The following SERPINB7 variants were observed in gnomAD, a reference collection of about 807,000 sequenced individuals.
SERPINB7 encodes serpin B7.
A neutral mutation model predicts 37.4 loss-of-function variants in SERPINB7; 31 were observed. That is an observed-to-expected ratio of 0.83 (90% CI 0.62 to 1.12). The LOEUF (loss-of-function observed/expected upper bound fraction) is 1.12. Among genes scored for constraint, SERPINB7 ranks in the 50% most tolerant of loss-of-function variants. The pLI, the probability that SERPINB7 is intolerant of heterozygous loss-of-function variation, is 0.00. For synonymous variants in SERPINB7, 163 were observed against 166.1 expected (o/e 0.98, Z 0.14); for missense variants, 521 against 455.3 (o/e 1.14, Z -1.31).
chr18:63,805,155 A>C lies in SERPINB7; in HGVS notation c.*520A>C, dbSNP rs1434665295. On this transcript the variant is annotated 3_prime_UTR_variant, in exon 8 of 8. Transcript: ENST00000398019. ...TCAGTGTATAATCTAGATGGTAAAAAATGTGAAATTGGGATTAGGGACCAA... is the reference window on the plus strand; with the variant it reads ...TCAGTGTATAATCTAGATGGTAAAACATGTGAAATTGGGATTAGGGACCAA... 6.6e-6 allele frequency: 1 copy of C among 152,494 alleles called. No individual in the cohort carries two copies. The highest frequency in any genetic ancestry group is 3.2e-3 in the Middle Eastern group (1 of 316). The allele number at this position is 152,494 out of a possible 1,614,324, so 9.4% of individuals were successfully genotyped here. A position where few individuals can be genotyped will look rare whatever the true frequency, so the allele number is the denominator to read the frequency against.
chr18:63,797,779 A>C (rs1361397975), intron 5 of SERPINB7, among the ~76,000 whole-genome samples: 2 of 152,194 alleles, frequency 1.3e-5, no homozygotes, highest in Non-Finnish European at 2.9e-5. Context: ...CATCTTCAAA[A>C]TAATCCACAA....
chr18:63,753,856 A>C (rs146878151), intron 1 of SERPINB7, among the ~76,000 whole-genome samples: 164 of 152,322 alleles, frequency 1.1e-3, no homozygotes, highest in African/African-American at 3.8e-3. Context: ...TCTCCAACAA[A>C]TCCCAAACTA....
intron 1 of SERPINB7, among the ~76,000 whole-genome samples, chr18:63,768,519 T>G (rs987475754): frequency 2.6e-5 from 4 of 152,162 alleles, no homozygotes; most frequent in Non-Finnish European, 4.4e-5. Context: ...ATTTCCAAAG[T>G]CACTTAGGTT....
chr18:63,783,216 G>GAAAGAA lies in SERPINB7; in HGVS notation c.168+677_168+678insAAGAAA, dbSNP rs1568207699. Among the ~76,000 whole-genome samples, 29 of 67,074 alleles carry GAAAGAA rather than the reference G, an allele frequency of 4.3e-4. 1 individual carries two copies. Among genetic ancestry groups the GAAAGAA allele is most frequent in the African/African-American group, 1.8e-3 (28 of 15,954 alleles). 44.0% of individuals were successfully genotyped at this position (67,074 alleles called of 152,430 possible). A position where few individuals can be genotyped will look rare whatever the true frequency, so the allele number is the denominator to read the frequency against. ...AGAGAGAGAGAGAGAGAGAGAGAGA[G>GAAAGAA]AGAGAGAGAGAGAGAGAGAAAGAAA... On this transcript the variant is annotated intron_variant, in intron 2 of 7. Transcript: ENST00000398019.
intron 1 of SERPINB7, among the ~76,000 whole-genome samples, chr18:63,780,165 G>T (rs1339401779): frequency 6.6e-6 from 1 of 152,096 alleles, no homozygotes. Context: ...TGCTTTTGAA[G>T]TTACTTTCCC....
Position 63,780,125 on chromosome 18 carries a change from G to A in SERPINB7, c.-18-2230G>A, listed in dbSNP as rs571732706. 2.0e-5 allele frequency among the ~76,000 whole-genome samples: 3 copies of A among 152,080 alleles called. No individual in the cohort carries two copies. The South Asian group carries it at 6.2e-4, about 32-fold the overall frequency. ...TCTTCTATTAAATATATTTTTCACT[G>A]TAAATACTTTGAAAGGATTAATATG... On this transcript the variant is annotated intron_variant, in intron 1 of 7. Coordinates refer to ENST00000398019, the MANE Select transcript of SERPINB7 (RefSeq NM_003784.4).
rs1167294422 is a variant in SERPINB7 at position 63,762,386 on chromosome 18, C to CTT, written c.-19+9268_-19+9269dup. On this transcript the variant is annotated intron_variant, in intron 1 of 7. Coordinates refer to the SERPINB7 transcript ENST00000336429. ...TTTTTCTTATCTCTGCAGAGACAGT[C>CTT]TTTGTAGGTTGATTCAGAACTCACT... Among the ~76,000 whole-genome samples, 32 of 152,256 alleles carry CTT rather than the reference C, an allele frequency of 2.1e-4. No individual in the cohort carries two copies. The East Asian group carries it at 5.8e-3, about 28-fold the overall frequency.
rs1380843006 is a variant in SERPINB7, at chr18:63,796,250, A to G, written c.337-16A>G. 1.4e-6 allele frequency: 2 copies of G among 1,425,944 alleles called. No homozygotes were observed. Among genetic ancestry groups the G allele is most frequent in the Admixed American group, 1.7e-5 (1 of 58,334 alleles). 88.3% of individuals were successfully genotyped at this position (1,425,944 alleles called of 1,614,324 possible). A position where few individuals can be genotyped will look rare whatever the true frequency, so the allele number is the denominator to read the frequency against. ...GTGATGATTTGTAAATACGAGAACT[A>G]TATTCTTCTTTATAGGACTACATTG... is the stretch of plus-strand genomic sequence containing the variant. On this transcript the variant is annotated splice_polypyrimidine_tract_variant and intron_variant, in intron 4 of 7. Coordinates refer to ENST00000398019, the MANE Select transcript of SERPINB7 (RefSeq NM_003784.4).
intron 1 of SERPINB7, among the ~76,000 whole-genome samples, chr18:63,760,060 G>A (rs1198268870): frequency 6.6e-6 from 1 of 152,220 alleles, no homozygotes; most frequent in Non-Finnish European, 1.5e-5. Flanking sequence ...GGTTGGAATA[G>A]TTTGGAGGGC....
At chr18:63,788,130 C>G (rs978950600) in intron 2 of SERPINB7, among the ~76,000 whole-genome samples, 1 of 152,130 alleles carries the variant, frequency 6.6e-6, no homozygotes, top group East Asian at 1.9e-4. Context: ...CTTCTACTTA[C>G]GAAAAATAAA....
chr18:63,799,390 G>A (rs148910122), intron 6 of SERPINB7, among the ~76,000 whole-genome samples: 2,223 of 152,282 alleles, frequency 0.015, 54 homozygotes, highest in African/African-American at 0.051. Flanking sequence ...CTTCACAGAA[G>A]CTGCATTCCT....
chr18:63,760,106 TC>T (rs1202353678), intron 1 of SERPINB7, among the ~76,000 whole-genome samples: 1 of 152,158 alleles, frequency 6.6e-6, no homozygotes, highest in African/African-American at 2.4e-5. Flanking sequence ...GTTTGGAACT[TC>T]CTAGAGACTT....
intron 1 of SERPINB7, among the ~76,000 whole-genome samples, chr18:63,776,424 T>A (rs2049248910): frequency 6.6e-6 from 1 of 151,878 alleles, no homozygotes; most frequent in African/African-American, 2.4e-5. Context: ...ATGAAGGGCA[T>A]CTTACTGTGT....
At chr18:63,796,464 G>C (rs1343071048) in intron 5 of SERPINB7, 81 bp downstream of exon 5, 1 of 752,014 alleles carries the variant, frequency 1.3e-6, no homozygotes. Flanking sequence ...GGAGTCTTTT[G>C]TACATACAAG....
chr18:63,770,922 G>A (rs1009942653), upstream of SERPINB7, among the ~76,000 whole-genome samples: 4 of 147,798 alleles, frequency 2.7e-5, no homozygotes, highest in African/African-American at 1.0e-4. Flanking sequence ...CTCACACAGA[G>A]AGATTCCATA....
intron 2 of SERPINB7, among the ~76,000 whole-genome samples, chr18:63,785,739 G>C (rs75805633): frequency 6.6e-6 from 1 of 151,130 alleles, no homozygotes; most frequent in African/African-American, 2.4e-5. Flanking sequence ...TGTTTTTTTT[G>C]TGTGTGTTTT....
At chr18:63,760,864 G>T (rs898008273) in intron 1 of SERPINB7, among the ~76,000 whole-genome samples, 2 of 152,248 alleles carry the variant, frequency 1.3e-5, no homozygotes, top group African/African-American at 4.8e-5. Flanking sequence ...GAAATTCCTG[G>T]ATGCCCAGGC....
intron 2 of SERPINB7, among the ~76,000 whole-genome samples, chr18:63,784,902 C>T (rs2049348922): frequency 6.6e-6 from 1 of 152,196 alleles, no homozygotes; most frequent in East Asian, 1.9e-4. Flanking sequence ...CTTTCAGCTC[C>T]TGTCTGGTAC....
chr18:63,798,793 A>G (rs1568214559), intron 6 of SERPINB7, 47 bp downstream of exon 6: 2 of 1,583,380 alleles, frequency 1.3e-6, no homozygotes, highest in South Asian at 1.1e-5. Context: ...CCACAATCGT[A>G]TTCCTTTGCA....
Sources: gnomAD v4.1 joint callset for allele counts (sites outside exome capture counted in the v4.1 genomes callset) on GRCh38, gnomAD v4.1.1 for gene constraint, MANE v1.5 for transcripts, NCBI Gene and HGNC (gene_info 2026-07-23, HGNC 2026-07-21) for gene names.